PSG2: variants seen among roughly 807,000 people sequenced by gnomAD.
The protein encoded by PSG2 is pregnancy-specific beta-1-glycoprotein 2.
PSG2 carries 49 observed loss-of-function variants against 36.2 expected under a neutral mutation model. The observed-to-expected ratio is 1.35, with a 90% CI of 1.08 to 1.72. The LOEUF (loss-of-function observed/expected upper bound fraction) is 1.72, where lower values mean the gene tolerates loss of function less well. PSG2 is among the 40% of genes most tolerant of loss of function. The probability of loss-of-function intolerance (pLI) is 0.00; values close to 1 mark genes in which losing one functional copy is unlikely to be tolerated. For missense variants in PSG2, 605 were observed against 407.2 expected, an observed-to-expected ratio of 1.49 and a Z score of -4.18; for synonymous variants, 261 against 155.6, an observed-to-expected ratio of 1.68 and a Z score of -5.04.
chr19:43,071,767 A>G lies in PSG2; in HGVS notation c.897T>C (p.Tyr299=), dbSNP rs376170050. 9.9e-6 allele frequency: 16 copies of G among 1,612,712 alleles called. No individual in the cohort carries two copies. The highest frequency in any genetic ancestry group is 1.3e-5 in the African/African-American group (1 of 74,462). Residue 299 remains tyrosine, a synonymous_variant, in exon 4 of 6, where the codon TAT becomes TAC. Transcript: ENST00000406487. ...TGGCTGAGTTACGAACAGAGCAAAC[A>G]TAGAGCCCGCTATGCTTTGTAGTAA... The part of the protein sequence containing the change: ...PQITTKHSGL[Y]VCSVRNSATG...
Position 43,082,540 on chromosome 19 carries a change from T to C in PSG2, c.30A>G (p.Thr10=), listed in dbSNP as rs1322539126. MGPLSAPPC[T]EHIKWKGLLV... is the part of the protein sequence containing the mutation. ...GGAGCCCCTTCCATTTGATGTGCTC[T>C]GTGCAGGGAGGGGCTGAGAGGGGCC... The change falls in exon 1 of 6, where the codon ACA becomes ACG. Residue 10 remains threonine (T), a synonymous_variant. Transcript: ENST00000406487. 1.2e-6 allele frequency: 2 copies of C among 1,612,112 alleles called. No homozygotes were observed. The highest frequency in any genetic ancestry group is 8.5e-7 in the Non-Finnish European group (1 of 1,179,184).
chr19:43,073,527 T>A (rs1032815845), intron 3 of PSG2, among the ~76,000 whole-genome samples: 2 of 151,742 alleles, frequency 1.3e-5, no homozygotes, highest in Admixed American at 6.6e-5. Context: ...TTGATGGATA[T>A]GAGACAAATT....
At chr19:43,066,914 G>A (rs1218436152) in intron 4 of PSG2, among the ~76,000 whole-genome samples, 1 of 151,164 alleles carries the variant, frequency 6.6e-6, no homozygotes, top group Non-Finnish European at 1.5e-5. Context: ...CCTTTTCATG[G>A]TTGCATCTTT....
chr19:43,075,683 C>T (rs1477383374), intron 2 of PSG2, 51 bp from the exon 3 acceptor site: 2 of 1,568,900 alleles, frequency 1.3e-6, no homozygotes, highest in African/African-American at 2.8e-5. Context: ...TTTGATTCCT[C>T]CAAAGGCATT....
intron 1 of PSG2, chr19:43,082,275 G>A: frequency 3.4e-6 from 2 of 580,152 alleles, no homozygotes; most frequent in Non-Finnish European, 5.6e-6. Context: ...TGAGTAGCTG[G>A]AATTACAGGA....
chr19:43,069,668 A>AAC lies in PSG2; in HGVS notation c.964+2030_964+2031dup, dbSNP rs1279116435. On this transcript the variant is annotated intron_variant, in intron 4 of 5. Transcript: ENST00000406487. ...GGATATTCAAGGGCAAGAAAACTAG[A>AAC]ACCTTTACATAACACCATGTACAAA... Among the ~76,000 whole-genome samples, 7 of 151,814 alleles carry AAC rather than the reference A, an allele frequency of 4.6e-5. No individual in the cohort carries two copies. In the East Asian group the frequency reaches 1.4e-3, roughly 29 times the overall value.
intron 4 of PSG2, among the ~76,000 whole-genome samples, chr19:43,069,363 G>T (rs1481685823): frequency 6.6e-6 from 1 of 151,608 alleles, no homozygotes; most frequent in Admixed American, 6.6e-5. Flanking sequence ...ACAAAAATCT[G>T]TCCTAAAATT....
chr19:43,068,466 A>AAAAAGAAAGAAAG (rs1335710405), intron 4 of PSG2, among the ~76,000 whole-genome samples: 13 of 147,124 alleles, frequency 8.8e-5, no homozygotes, highest in African/African-American at 3.2e-4. Flanking sequence ...AAAAAAAAAA[A>AAAAAGAAAGAAAG]AAAGAAAGAA....
chr19:43,082,192 A>G, intron 1 of PSG2: 1 of 206,728 alleles, frequency 4.8e-6, no homozygotes, highest in Non-Finnish European at 8.7e-6. Context: ...CCAGGCTGGT[A>G]TGCAGTGGCG....
chr19:43,081,406 G>A (rs1035951636), intron 1 of PSG2, among the ~76,000 whole-genome samples, 160 bp from the exon 2 acceptor site: 21 of 148,780 alleles, frequency 1.4e-4, no homozygotes, highest in Non-Finnish European at 2.7e-4. Context: ...CACAAAAGGG[G>A]CATGTGTGTT....
intron 5 of PSG2, 86 bp from the exon 6 acceptor site, chr19:43,064,687 T>A: frequency 2.1e-6 from 1 of 483,506 alleles, no homozygotes. Context: ...TGACAGAGAT[T>A]TAAACTGACT....
chr19:43,065,231 A>G lies in PSG2; in HGVS notation c.*41-630T>C, dbSNP rs894745784. On this transcript the variant is annotated intron_variant, in intron 5 of 5. Transcript: ENST00000406487. ...TGAAAATGCTTTCTATAAATTTAAT[A>G]TATAAAATAAGGTGGCTTTTCCGTT... 1.3e-4 allele frequency among the ~76,000 whole-genome samples: 20 copies of G among 151,612 alleles called. 1 individual carries two copies. The highest frequency in any genetic ancestry group is 4.6e-4 in the African/African-American group (19 of 41,036).
intron 2 of PSG2, among the ~76,000 whole-genome samples, chr19:43,079,403 G>C (rs1309496076): frequency 6.6e-6 from 1 of 151,370 alleles, no homozygotes; most frequent in Non-Finnish European, 1.5e-5. Context: ...GAAGGACAAG[G>C]GACAGGTGTG....
intron 5 of PSG2, 101 bp from the exon 6 acceptor site, chr19:43,064,702 T>G: frequency 2.5e-6 from 1 of 406,442 alleles, no homozygotes; most frequent in South Asian, 3.3e-5. Context: ...CTGACTATGG[T>G]TAAAAATCTA....
intron 2 of PSG2, among the ~76,000 whole-genome samples, chr19:43,077,854 C>T (rs1236827732): frequency 2.0e-5 from 3 of 151,806 alleles, no homozygotes; most frequent in East Asian, 1.9e-4. Context: ...TCTATTGACA[C>T]GTCCTCAAGC....
At chr19:43,073,088 A>G (rs1331261861) in intron 3 of PSG2, among the ~76,000 whole-genome samples, 2 of 151,680 alleles carry the variant, frequency 1.3e-5, no homozygotes, top group African/African-American at 4.9e-5. Context: ...GGGACTTCCC[A>G]TTGTCCTGAA....
Position 43,066,142 on chromosome 19 carries a change from G to C in PSG2, c.*40+375C>G, listed in dbSNP as rs866011805. On this transcript the variant is annotated intron_variant, in intron 5 of 5. Transcript: ENST00000406487. ...TAATGAGGCAATCATATGCAAGGAA[G>C]ATTTCAAAGTCTGGAGACAAGAAGT... 3.3e-5 allele frequency among the ~76,000 whole-genome samples: 5 copies of C among 151,842 alleles called. 1 individual carries two copies. Among genetic ancestry groups the C allele is most frequent in the African/African-American group, 1.2e-4 (5 of 41,232 alleles).
intron 4 of PSG2, among the ~76,000 whole-genome samples, chr19:43,069,750 T>C (rs1324904126): frequency 6.6e-6 from 1 of 151,624 alleles, no homozygotes; most frequent in Non-Finnish European, 1.5e-5. Context: ...GTACAACTCT[T>C]AGAAGAAAAG....
At chr19:43,077,671 A>T (rs1435406548) in intron 2 of PSG2, among the ~76,000 whole-genome samples, 1 of 151,778 alleles carries the variant, frequency 6.6e-6, no homozygotes, top group East Asian at 1.9e-4. Flanking sequence ...ACTGGTCCTC[A>T]AAACCACCAG....
Sources: allele counts gnomAD v4.1 joint callset (sites outside exome capture counted in the v4.1 genomes callset), GRCh38; gene constraint gnomAD v4.1.1; transcripts MANE v1.5; gene names NCBI Gene and HGNC (gene_info 2026-07-23, HGNC 2026-07-21).